Variants in WWP2 observed in about 807,000 individuals in gnomAD.
WWP2 encodes WW domain containing E3 ubiquitin protein ligase 2.
WWP2 carries 57 observed loss-of-function variants against 121.0 expected under a neutral mutation model. The ratio of observed to expected loss-of-function variants is 0.47; its 90% CI spans 0.38 to 0.59. WWP2 has a LOEUF of 0.59. Ranked by LOEUF, WWP2 falls within the 20% of genes least tolerant of loss-of-function variation. The probability of loss-of-function intolerance (pLI) is 0.00; values close to 1 mark genes in which losing one functional copy is unlikely to be tolerated. For missense variants in WWP2, 962 were observed against 1,158.9 expected, an observed-to-expected ratio of 0.83 and a Z score of 2.47; for synonymous variants, 449 against 441.3, an observed-to-expected ratio of 1.02 and a Z score of -0.22.
Position 69,888,192 on chromosome 16 carries a change from C to T in WWP2, c.857C>T (p.Thr286Ile). The change falls in exon 8 of 24, where the codon ACT becomes ATT. Residue 286 changes from threonine (T) to isoleucine (I), a missense_variant. By Grantham distance (89) the Thr-to-Ile change is moderately conservative. This residue lies in a region of WWP2 where 211 missense variants were observed against 196.5 expected (regional missense o/e 1.07). Transcript: ENST00000359154. ...ATPAEGEEPS[T>I]SGTQQLPAAA... ...CCGGCTGAAGGAGAGGAACCCAGCACTTCGGGTACACAGCAGCTCCCAGCG... is the reference window on the plus strand; with the variant it reads ...CCGGCTGAAGGAGAGGAACCCAGCATTTCGGGTACACAGCAGCTCCCAGCG... The T allele has an allele frequency of 6.2e-7, 1 of 1,614,222 alleles. No individual in the cohort carries two copies. The highest frequency in any genetic ancestry group is 1.1e-5 in the South Asian group (1 of 91,086).
intron 7 of WWP2, among the ~76,000 whole-genome samples, chr16:69,873,975 T>C (rs1348324115): frequency 6.6e-6 from 1 of 152,232 alleles, no homozygotes; most frequent in Admixed American, 6.5e-5. Context: ...CCTTATGTTC[T>C]AGCAGACAAG....
chr16:69,848,826 A>G (rs1412879711), intron 6 of WWP2, among the ~76,000 whole-genome samples: 2 of 152,146 alleles, frequency 1.3e-5, no homozygotes, highest in East Asian at 3.9e-4. Context: ...TGTGGCCCTC[A>G]TCAGCTGTCA....
chr16:69,936,905 G>A (rs2058808550), intron 19 of WWP2: 3 of 583,190 alleles, frequency 5.1e-6, no homozygotes, highest in Non-Finnish European at 8.8e-6. Flanking sequence ...GGAGGAGGTG[G>A]TGGTGAGGAT....
chr16:69,865,098 G>A (rs2057496706), intron 6 of WWP2, among the ~76,000 whole-genome samples: 1 of 151,566 alleles, frequency 6.6e-6, no homozygotes, highest in African/African-American at 2.4e-5. Context: ...CGTGTAGGCT[G>A]GAGTGCAGTG....
chr16:69,889,301 G>A (rs996468893), intron 8 of WWP2, among the ~76,000 whole-genome samples: 3 of 152,180 alleles, frequency 2.0e-5, no homozygotes, highest in Non-Finnish European at 4.4e-5. Flanking sequence ...CCCCAGCCTG[G>A]ACTATGAAGC....
intron 7 of WWP2, among the ~76,000 whole-genome samples, chr16:69,874,948 G>A (rs2057709599): frequency 6.6e-6 from 1 of 152,038 alleles, no homozygotes; most frequent in African/African-American, 2.4e-5. Flanking sequence ...TTTGAGCCTA[G>A]GAGGCAGATG....
rs574028820 is a variant in WWP2 at position 69,925,972 on chromosome 16, T to C, written c.1234+488T>C. ...CTAATAGAAGCCACCTTTTTATTTC[T>C]GACATAGCTGTGAAAGAGGCCAGAG... On this transcript the variant is annotated intron_variant, in intron 11 of 23. Coordinates refer to ENST00000359154, the MANE Select transcript of WWP2 (RefSeq NM_001270454.2). This position sits in a 1 kb window ranked among gnomAD's most constrained non-coding sequence, Gnocchi z 4.0. 2 of 153,154 alleles carry C rather than the reference T, an allele frequency of 1.3e-5. No homozygotes were observed. Among genetic ancestry groups the C allele is most frequent in the African/African-American group, 2.4e-5 (1 of 41,592 alleles). 9.5% of individuals were successfully genotyped at this position (153,154 alleles called of 1,614,324 possible). A position where few individuals can be genotyped will look rare whatever the true frequency, so the allele number is the denominator to read the frequency against.
intron 4 of WWP2, among the ~76,000 whole-genome samples, chr16:69,823,656 AG>A (rs1269357576): frequency 3.3e-5 from 5 of 151,990 alleles, no homozygotes; most frequent in African/African-American, 1.2e-4. Flanking sequence ...TTAGTAGAAA[AG>A]GGGTTTTGCC....
chr16:69,930,062 C>G, intron 12 of WWP2, 68 bp from the exon 13 acceptor site: 1 of 1,605,378 alleles, frequency 6.2e-7, no homozygotes, highest in South Asian at 1.1e-5. Flanking sequence ...CTTTGAGGAC[C>G]CAGCCTCCAA....
At chr16:69,840,098 C>T (rs373225712) in intron 4 of WWP2, 28 bp from the exon 5 acceptor site, 42 of 1,613,706 alleles carry the variant, frequency 2.6e-5, no homozygotes, top group Non-Finnish European at 3.2e-5. Flanking sequence ...CTCTTTAGCC[C>T]ATCCATGTTG....
At chr16:69,764,234 C>G (rs960840082) in intron 1 of WWP2, among the ~76,000 whole-genome samples, 1 of 152,158 alleles carries the variant, frequency 6.6e-6, no homozygotes, top group African/African-American at 2.4e-5. Flanking sequence ...GGATCTTACT[C>G]TGTTGCCCAG....
At chr16:69,922,463 T>G (rs887736823) in intron 10 of WWP2, among the ~76,000 whole-genome samples, 4 of 152,226 alleles carry the variant, frequency 2.6e-5, no homozygotes, top group African/African-American at 9.6e-5. Flanking sequence ...CAGGGACCAT[T>G]ACCCGGGAAG....
chr16:69,808,680 G>A (rs1217045489), intron 4 of WWP2, among the ~76,000 whole-genome samples: 1 of 152,246 alleles, frequency 6.6e-6, no homozygotes, highest in African/African-American at 2.4e-5. Context: ...GGGATTACAG[G>A]CGTGAGCCAC....
Position 69,941,363 on chromosome 16 carries a change from C to T in WWP2, c.*1423C>T, listed in dbSNP as rs911011240. The stretch of plus-strand genomic sequence containing the variant: ...CCTTCCAAGCACAGTCTCCATGCTC[C>T]CAGATTCTCGACCTTCCCCCGGCCC... On this transcript the variant is annotated 3_prime_UTR_variant, in exon 24 of 24. Coordinates refer to ENST00000359154, the MANE Select transcript of WWP2 (RefSeq NM_001270454.2). The T allele has an allele frequency of 5.2e-5, 8 of 153,946 alleles. No homozygotes were observed. Among genetic ancestry groups the T allele is most frequent in the Non-Finnish European group, 1.2e-4 (8 of 68,186 alleles). The allele number at this position is 153,946 out of a possible 1,614,324, so 9.5% of individuals were successfully genotyped here.
Position 69,936,358 on chromosome 16 carries a change from G to A in WWP2, c.2023G>A (p.Asp675Asn). 1 of 1,614,126 alleles carries A rather than the reference G, an allele frequency of 6.2e-7. No homozygotes were observed. Among genetic ancestry groups the A allele is most frequent in the Non-Finnish European group, 8.5e-7 (1 of 1,180,040 alleles). Residue 675 changes from aspartate to asparagine, a missense_variant, in exon 19 of 24, where the codon GAC becomes AAC. Asp to Asn is a conservative substitution (Grantham distance 23, BLOSUM62 1). This residue lies in a region of WWP2 where 606 missense variants were observed against 772.6 expected (regional missense o/e 0.78). Coordinates refer to ENST00000359154, the MANE Select transcript of WWP2 (RefSeq NM_001270454.2). Reference sequence around the variant, plus strand: ...TGGCCTGGAGCTGTACTTCATCCAGGACATGGAGATACTGGGCAAGGTGAC... The same window carrying A: ...TGGCCTGGAGCTGTACTTCATCCAGAACATGGAGATACTGGGCAAGGTGAC... The part of the protein sequence containing the change: ...ECGLELYFIQ[D>N]MEILGKVTTH...
chr16:69,888,109 T>A lies in WWP2; in HGVS notation c.774T>A (p.Ala258=). The change falls in exon 8 of 24, where the codon GCT becomes GCA. Residue 258 remains alanine, a synonymous_variant. Coordinates refer to ENST00000359154, the MANE Select transcript of WWP2 (RefSeq NM_001270454.2). ...TTGTTGGTGTGACGTCCCCACCTGC[T>A]GCACCCTTGAGTGTGACCCCGAATC... ...PSVVGVTSPP[A]APLSVTPNPN... 6.2e-7 allele frequency: 1 copy of A among 1,614,244 alleles called. No individual in the cohort carries two copies. Among genetic ancestry groups the A allele is most frequent in the East Asian group, 2.2e-5 (1 of 44,888 alleles).
intron 2 of WWP2, among the ~76,000 whole-genome samples, chr16:69,795,735 C>T (rs2056025477): frequency 6.8e-6 from 1 of 147,944 alleles, no homozygotes; most frequent in Non-Finnish European, 1.5e-5. Flanking sequence ...GTAGCCTCCG[C>T]CTCCTGGGTT....
At chr16:69,930,359 T>A in intron 13 of WWP2, 101 bp downstream of exon 13, 2 of 1,537,328 alleles carry the variant, frequency 1.3e-6, no homozygotes, top group East Asian at 2.3e-5. Context: ...CTGTGGTGCG[T>A]TCTACTGCCC....
At chr16:69,778,195 T>A (rs1172191833) in intron 1 of WWP2, among the ~76,000 whole-genome samples, 141 of 145,158 alleles carry the variant, frequency 9.7e-4, no homozygotes, top group Middle Eastern at 3.6e-3. Context: ...TATATATATT[T>A]TTTTTTTTTT....
Sources: gnomAD v4.1 joint callset for allele counts (sites outside exome capture counted in the v4.1 genomes callset) on GRCh38, gnomAD v4.1.1 for gene constraint, gnomAD v4.1.1 regional missense constraint, Gnocchi (gnomAD v3.1) non-coding constraint, MANE v1.5 for transcripts, NCBI Gene and HGNC (gene_info 2026-07-23, HGNC 2026-07-21) for gene names.